The following MICU3 variants were observed in gnomAD, a reference collection of about 807,000 sequenced individuals.
MICU3 encodes mitochondrial calcium uptake 3, also known as calcium uptake protein 3, mitochondrial.
A neutral mutation model predicts 66.5 loss-of-function variants in MICU3; 62 were observed. The ratio of observed to expected loss-of-function variants is 0.93; its 90% CI spans 0.76 to 1.15. MICU3 has a LOEUF of 1.15. MICU3 is among the 50% of genes most tolerant of loss of function. MICU3 has a pLI of 0.00. For missense variants in MICU3, 779 were observed against 664.4 expected (o/e 1.17, Z -1.90); for synonymous variants, 308 against 240.7 (o/e 1.28, Z -2.59).
intron 1 of MICU3, among the ~76,000 whole-genome samples, chr8:17,053,067 A>C (rs571995813): frequency 6.6e-6 from 1 of 152,282 alleles, no homozygotes; most frequent in African/African-American, 2.4e-5. Context: ...GAATAAAACA[A>C]ATGTGTCTTA....
chr8:17,111,235 G>A (rs369292743), intron 11 of MICU3, among the ~76,000 whole-genome samples: 1 of 152,150 alleles, frequency 6.6e-6, no homozygotes, highest in East Asian at 1.9e-4. Flanking sequence ...ATATAAACTG[G>A]ATTCTAGAGC....
Position 17,049,692 on chromosome 8 carries a change from T to TTGTGTG in MICU3, c.382-14390_382-14385dup, listed in dbSNP as rs531866225. On this transcript the variant is annotated intron_variant, in intron 1 of 14. Coordinates refer to ENST00000318063, the MANE Select transcript of MICU3 (RefSeq NM_181723.3). ...TTGTGTAATGTGAAAAAACACTGGG[T>TTGTGTG]TGTGTGTTGTAATACTGAAGTTCTG... 606 of 507,384 alleles carry TTGTGTG rather than the reference T, an allele frequency of 1.2e-3. 2 individuals are homozygous for TTGTGTG. The highest frequency in any genetic ancestry group is 2.2e-3 in the Non-Finnish European group (552 of 254,464). The allele number at this position is 507,384 out of a possible 1,614,324, so 31.4% of individuals were successfully genotyped here.
chr8:17,071,692 T>A (rs1330578304), intron 3 of MICU3, among the ~76,000 whole-genome samples: 1 of 152,196 alleles, frequency 6.6e-6, no homozygotes, highest in African/African-American at 2.4e-5. Flanking sequence ...ATTTTAGATT[T>A]GTTTAAATTT....
chr8:17,066,517 C>CTATATATATATATATATATATATATA (rs71212675), intron 2 of MICU3, among the ~76,000 whole-genome samples: 2 of 105,058 alleles, frequency 1.9e-5, no homozygotes, highest in African/African-American at 8.2e-5. Flanking sequence ...TGTTAATAAT[C>CTATATATATATATATATATATATATA]TATATATATA....
At chr8:17,069,156 A>T (rs960824268) in intron 2 of MICU3, among the ~76,000 whole-genome samples, 1 of 152,096 alleles carries the variant, frequency 6.6e-6, no homozygotes, top group African/African-American at 2.4e-5. Flanking sequence ...ATGAAACAGG[A>T]CAAGTTTCCC....
Position 17,118,493 on chromosome 8 carries a change from A to G in MICU3, c.1525-214A>G, listed in dbSNP as rs960146267. 5.3e-4 allele frequency among the ~76,000 whole-genome samples: 81 copies of G among 152,296 alleles called. 1 individual carries two copies. The highest frequency in any genetic ancestry group is 1.5e-3 in the African/African-American group (62 of 41,576). ...CTATGGTCAACTTACTGCACAATAGATCTCAAAATCATATTCTTCCTGTCT... is the reference window on the plus strand; with the variant it reads ...CTATGGTCAACTTACTGCACAATAGGTCTCAAAATCATATTCTTCCTGTCT... On this transcript the variant is annotated intron_variant, in intron 13 of 14. Transcript: ENST00000318063.
At chr8:17,069,570 CTT>C (rs1025014519) in intron 2 of MICU3, 116 bp from the exon 3 acceptor site, 1 of 481,458 alleles carries the variant, frequency 2.1e-6, no homozygotes, top group African/African-American at 2.1e-5. Flanking sequence ...TAAAAGAAAA[CTT>C]TGCCTTTTGG....
At chr8:17,128,229 TACACAC>T in the MICU3 span, among the ~76,000 whole-genome samples, 15,517 of 144,440 alleles carry the variant, frequency 0.11, 1,598 homozygotes, top group African/African-American at 0.27. Flanking sequence ...GAGATCAGTG[TACACAC>T]ACACACACAC....
intron 1 of MICU3, among the ~76,000 whole-genome samples, chr8:17,057,805 T>C (rs558235812): frequency 6.6e-6 from 1 of 152,198 alleles, no homozygotes; most frequent in African/African-American, 2.4e-5. Flanking sequence ...GCTTTCCCTG[T>C]TGACCTTTTT....
chr8:17,054,684 C>T (rs944592777), intron 1 of MICU3, among the ~76,000 whole-genome samples: 1 of 151,570 alleles, frequency 6.6e-6, no homozygotes, highest in African/African-American at 2.4e-5. Flanking sequence ...CATCTCTCAA[C>T]ATTCAAGGAC....
chr8:17,060,781 A>G (rs1215416145), intron 1 of MICU3, among the ~76,000 whole-genome samples: 2 of 150,758 alleles, frequency 1.3e-5, no homozygotes, highest in African/African-American at 2.4e-5. Context: ...TTTTATACAT[A>G]TTCTTTTTTT....
chr8:17,127,988 C>T, the MICU3 span, among the ~76,000 whole-genome samples: 1 of 152,188 alleles, frequency 6.6e-6, no homozygotes, highest in Admixed American at 6.5e-5. Flanking sequence ...CACCAGGAAC[C>T]AGACCACATA....
downstream of MICU3, among the ~76,000 whole-genome samples, chr8:17,125,994 C>T (rs1290211024): frequency 6.9e-6 from 1 of 144,624 alleles, no homozygotes. Flanking sequence ...TTTGCCACTG[C>T]ACTTAGCCTG....
chr8:17,137,250 A>T, the MICU3 span, among the ~76,000 whole-genome samples: 2 of 152,034 alleles, frequency 1.3e-5, no homozygotes, highest in Non-Finnish European at 2.9e-5. Flanking sequence ...GGTATGAATT[A>T]TGTAATTTCA....
chr8:17,125,715 C>T (rs959651987), downstream of MICU3, among the ~76,000 whole-genome samples: 1 of 152,042 alleles, frequency 6.6e-6, no homozygotes, highest in Non-Finnish European at 1.5e-5. Context: ...AAACTTCAAT[C>T]CTCTCTTCTC....
At chr8:17,073,740 GAAC>G (rs1819950772) in intron 3 of MICU3, among the ~76,000 whole-genome samples, 2 of 151,938 alleles carry the variant, frequency 1.3e-5, no homozygotes, top group Non-Finnish European at 2.9e-5. Context: ...AAAAATTTGG[GAAC>G]AATATGTCAA....
At chr8:17,040,216 A>T (rs1271519692) in intron 1 of MICU3, among the ~76,000 whole-genome samples, 1 of 152,086 alleles carries the variant, frequency 6.6e-6, no homozygotes, top group Non-Finnish European at 1.5e-5. Flanking sequence ...CCCCATTATC[A>T]TATTTTTAAC....
At chr8:17,098,129 G>A (rs569134420) in intron 8 of MICU3, among the ~76,000 whole-genome samples, 54 of 151,734 alleles carry the variant, frequency 3.6e-4, no homozygotes, top group Non-Finnish European at 4.6e-4. Context: ...TTCACACAAG[G>A]TGTGAATAGA....
chr8:17,098,866 C>T (rs1481886487), intron 9 of MICU3, among the ~76,000 whole-genome samples: 4 of 151,436 alleles, frequency 2.6e-5, no homozygotes, highest in Non-Finnish European at 4.4e-5. Flanking sequence ...TGAAATGTTT[C>T]CCCCAGTAAA....
Sources: gnomAD v4.1 joint callset for allele counts (sites outside exome capture counted in the v4.1 genomes callset) on GRCh38, gnomAD v4.1.1 for gene constraint, MANE v1.5 for transcripts, NCBI Gene and HGNC (gene_info 2026-07-23, HGNC 2026-07-21) for gene names.